The following FSHR variants were observed in gnomAD, a reference collection of about 807,000 sequenced individuals.
FSHR encodes follicle stimulating hormone receptor.
In FSHR, 46 loss-of-function variants were observed where a neutral mutation model predicts 52.1. The ratio of observed to expected loss-of-function variants is 0.88; its 90% CI spans 0.70 to 1.13. The LOEUF (loss-of-function observed/expected upper bound fraction) is 1.13. Among genes scored for constraint, FSHR ranks in the 50% most tolerant of loss-of-function variants. The probability of loss-of-function intolerance (pLI) is 0.00; values close to 1 mark genes in which losing one functional copy is unlikely to be tolerated. For synonymous variants in FSHR, 399 were observed against 309.6 expected (o/e 1.29, Z -3.03); for missense variants, 964 against 834.6 (o/e 1.16, Z -1.91).
At chr2:49,143,914 GTAAAATGGA>G (rs1672779305) in intron 1 of FSHR, among the ~76,000 whole-genome samples, 1 of 152,090 alleles carries the variant, frequency 6.6e-6, no homozygotes, top group African/African-American at 2.4e-5. Flanking sequence ...TGGAAATCGG[GTAAAATGGA>G]TAAAATAAAG....
At chr2:49,082,786 G>A (rs991130358) in intron 1 of FSHR, among the ~76,000 whole-genome samples, 1 of 152,090 alleles carries the variant, frequency 6.6e-6, no homozygotes, top group Non-Finnish European at 1.5e-5. Flanking sequence ...GAGGAGGGAA[G>A]TTTAGAGAAA....
Position 48,963,536 on chromosome 2 carries a change from A to G in FSHR, c.1285T>C (p.Tyr429His). 6.2e-7 allele frequency: 1 copy of G among 1,614,188 alleles called. No individual in the cohort carries two copies. Among genetic ancestry groups the G allele is most frequent in the Non-Finnish European group, 8.5e-7 (1 of 1,180,010 alleles). ...TGCCAGTCAATGGCATAGTTGTGAT[A>G]TTGGCTCTTGGTATGGATATCAACT... ...ASVDIHTKSQ[Y>H]HNYAIDWQTG... Residue 429 changes from tyrosine (Y) to histidine (H), a missense_variant, in exon 10 of 10, where the codon TAT becomes CAT. Coordinates refer to ENST00000406846, the MANE Select transcript of FSHR (RefSeq NM_000145.4).
chr2:49,135,575 C>A (rs971774008), intron 1 of FSHR, among the ~76,000 whole-genome samples: 7 of 151,988 alleles, frequency 4.6e-5, no homozygotes. Flanking sequence ...CAAATTAAAT[C>A]TAAAGCAAGC....
chr2:49,135,162 A>AC (rs1243344901), intron 1 of FSHR, among the ~76,000 whole-genome samples: 1 of 152,176 alleles, frequency 6.6e-6, no homozygotes, highest in Non-Finnish European at 1.5e-5. Flanking sequence ...TAGGAGATAC[A>AC]CATTCTTCTT....
chr2:48,989,188 A>G (rs1002352409), intron 5 of FSHR, 134 bp from the exon 6 acceptor site: 22 of 669,996 alleles, frequency 3.3e-5, no homozygotes, highest in Admixed American at 3.3e-4. Flanking sequence ...TGTTTAGAAG[A>G]TGATCAGCTC....
Position 49,154,284 on chromosome 2 carries a change from G to C in FSHR, c.134C>G (p.Pro45Arg), listed in dbSNP as rs369583512. The change falls in exon 1 of 10, where the codon CCG becomes CGG. Residue 45 changes from proline (P) to arginine (R), a missense_variant. Transcript: ENST00000406846. ...TACTCACAGTTCAATGGCATTCCTC[G>C]GGAGGTCAGAAGGAATCTCTGTCAC... ...SKVTEIPSDL[P>R]RNAIELRFVL... is the part of the protein sequence containing the mutation. The C allele has an allele frequency of 3.7e-6, 6 of 1,613,690 alleles. No homozygotes were observed. The African/African-American group carries it at 6.7e-5, about 18-fold the overall frequency.
rs181445772 is a variant in FSHR, at chr2:49,113,645, C to A, written c.152+40621G>T. Among the ~76,000 whole-genome samples the A allele has an allele frequency of 3.9e-3, 590 of 152,124 alleles. 6 individuals are homozygous for A. Among genetic ancestry groups the A allele is most frequent in the African/African-American group, 0.013 (547 of 41,496 alleles). ...CAACATTTTCTTCATTTTTTATTTT[C>A]CCCCTAAACAATTAGTTTTAATTGA... is the stretch of plus-strand genomic sequence containing the variant. On this transcript the variant is annotated intron_variant, in intron 1 of 9. Transcript: ENST00000406846.
intron 1 of FSHR, among the ~76,000 whole-genome samples, chr2:49,075,485 G>C (rs1194793583): frequency 6.6e-6 from 1 of 152,026 alleles, no homozygotes; most frequent in African/African-American, 2.4e-5. Context: ...GAAGGATTAA[G>C]ACTAGAAAGA....
At chr2:49,089,736 TC>T (rs527730058) in intron 1 of FSHR, among the ~76,000 whole-genome samples, 57 of 139,450 alleles carry the variant, frequency 4.1e-4, no homozygotes, top group African/African-American at 1.4e-3. Context: ...TTTTGACAGT[TC>T]CTAATTTGAC....
At chr2:49,071,205 T>A (rs1669714387) in intron 1 of FSHR, among the ~76,000 whole-genome samples, 1 of 152,052 alleles carries the variant, frequency 6.6e-6, no homozygotes, top group African/African-American at 2.4e-5. Flanking sequence ...AAGATATAAA[T>A]CCTCAGATTC....
At chr2:49,004,337 C>T (rs1454527354) in intron 4 of FSHR, among the ~76,000 whole-genome samples, 2 of 152,216 alleles carry the variant, frequency 1.3e-5, no homozygotes, top group Admixed American at 6.5e-5. Context: ...CTGATTTAAG[C>T]TTCTCACTGC....
At chr2:49,050,425 G>A (rs2104300659) in intron 2 of FSHR, among the ~76,000 whole-genome samples, 1 of 152,288 alleles carries the variant, frequency 6.6e-6, no homozygotes, top group East Asian at 1.9e-4. Context: ...AGTTCCAAGG[G>A]CTTAGGCACA....
intron 4 of FSHR, among the ~76,000 whole-genome samples, chr2:49,008,914 A>AT (rs1215316094): frequency 4.0e-5 from 6 of 151,840 alleles, no homozygotes; most frequent in African/African-American, 1.5e-4. Context: ...TTCATTGTAG[A>AT]TTCTGGATAC....
At chr2:49,123,367 G>A (rs1671886573) in intron 1 of FSHR, among the ~76,000 whole-genome samples, 1 of 152,042 alleles carries the variant, frequency 6.6e-6, no homozygotes, top group Non-Finnish European at 1.5e-5. Context: ...CACGCTGGTA[G>A]TACCAGCTAC....
intron 8 of FSHR, among the ~76,000 whole-genome samples, chr2:48,982,670 G>C (rs1675304392): frequency 6.6e-6 from 1 of 152,218 alleles, no homozygotes; most frequent in Non-Finnish European, 1.5e-5. Context: ...CTTAACTTCT[G>C]AGAACGCCAT....
chr2:49,053,480 C>T (rs147702261), intron 2 of FSHR, among the ~76,000 whole-genome samples: 11 of 152,176 alleles, frequency 7.2e-5, no homozygotes, highest in East Asian at 1.9e-4. Flanking sequence ...CATATGGCTC[C>T]GAAGTAATTA....
At chr2:49,110,631 G>A (rs1671389846) in intron 1 of FSHR, among the ~76,000 whole-genome samples, 1 of 152,000 alleles carries the variant, frequency 6.6e-6, no homozygotes. Context: ...TGTGACAGCT[G>A]GTAAAGGATT....
At chr2:48,999,297 T>A (rs1238319196) in intron 4 of FSHR, among the ~76,000 whole-genome samples, 1 of 152,074 alleles carries the variant, frequency 6.6e-6, no homozygotes, top group South Asian at 2.1e-4. Flanking sequence ...ACAGGTACCC[T>A]TACCATCCTC....
chr2:49,110,289 C>T (rs1320501373), intron 1 of FSHR, among the ~76,000 whole-genome samples: 1 of 152,100 alleles, frequency 6.6e-6, no homozygotes, highest in East Asian at 1.9e-4. Flanking sequence ...AACTGAGGCC[C>T]ATAGCAGATA....
Sources: allele counts gnomAD v4.1 joint callset (sites outside exome capture counted in the v4.1 genomes callset), GRCh38; gene constraint gnomAD v4.1.1; transcripts MANE v1.5; gene names NCBI Gene and HGNC (gene_info 2026-07-23, HGNC 2026-07-21).